The following CEP72 variants were observed in gnomAD, a reference collection of about 807,000 sequenced individuals.
CEP72 encodes centrosomal protein 72, also known as centrosomal protein of 72 kDa.
Under a neutral mutation model 65.7 loss-of-function variants are expected in CEP72, and 78 were observed. The ratio of observed to expected loss-of-function variants is 1.19; its 90% confidence interval spans 0.99 to 1.43. The LOEUF is 1.43. CEP72 is among the 40% of genes most tolerant of loss of function. CEP72 has a pLI of 0.00. For missense variants in CEP72, 914 were observed against 832.9 expected (o/e 1.10, Z -1.20); for synonymous variants, 358 against 351.7 (o/e 1.02, Z -0.20).
At chr5:626,829 A>G (rs562247402) in intron 4 of CEP72, among the ~76,000 whole-genome samples, 2 of 152,284 alleles carry the variant, frequency 1.3e-5, no homozygotes, top group Admixed American at 6.5e-5. Flanking sequence ...TGTAAGAGAA[A>G]TAGAAGTAAG....
intron 9 of CEP72, among the ~76,000 whole-genome samples, chr5:643,871 G>T (rs1278028386): frequency 6.6e-6 from 1 of 152,234 alleles, no homozygotes; most frequent in African/African-American, 2.4e-5. Context: ...CAGAACAGAA[G>T]GGGGTTCCTG....
In CEP72 at chr5:612,340, G is replaced by A. The variant is rs1435366472; in HGVS notation, c.-22G>A. 5 of 1,483,246 alleles carry A rather than the reference G, an allele frequency of 3.4e-6. No individual in the cohort carries two copies. Among genetic ancestry groups the A allele is most frequent in the South Asian group, 2.5e-5 (2 of 79,054 alleles). 91.9% of individuals were successfully genotyped at this position (1,483,246 alleles called of 1,614,324 possible). A position where few individuals can be genotyped will look rare whatever the true frequency, so the allele number is the denominator to read the frequency against. The stretch of plus-strand genomic sequence containing the variant: ...TCGCCCCGCCCGCCGCGCAGGCGCC[G>A]TCCGAGGGCTCCGTTTGAAACATGG... On this transcript the variant is annotated 5_prime_UTR_variant, in exon 1 of 12. Transcript: ENST00000264935.
intron 11 of CEP72, among the ~76,000 whole-genome samples, chr5:648,854 G>T (rs1738658336): frequency 4.7e-5 from 2 of 43,004 alleles, no homozygotes; most frequent in Admixed American, 2.5e-4. Flanking sequence ...TGGACTGTGA[G>T]GTGTGACTGT....
chr5:622,780 C>T (rs1449418252), intron 3 of CEP72, among the ~76,000 whole-genome samples: 1 of 152,006 alleles, frequency 6.6e-6, no homozygotes, highest in Non-Finnish European at 1.5e-5. Context: ...GTGTCTGTTT[C>T]CAAACCCAAT....
chr5:643,002 C>T lies in CEP72; in HGVS notation c.1540-1297C>T, dbSNP rs1432748752. The T allele has an allele frequency of 3.0e-6, 3 of 985,368 alleles. No individual in the cohort carries two copies. In the African/African-American group the frequency reaches 5.2e-5, roughly 17 times the overall value. 61.0% of individuals were successfully genotyped at this position (985,368 alleles called of 1,614,324 possible). On this transcript the variant is annotated intron_variant, in intron 9 of 11. Transcript: ENST00000264935. ...GCCTCTGAGGCAGATGGGCTGCGCCCAGCTTGGGTGCAGTCGGTCCTCTGT... is the reference window on the plus strand; with the variant it reads ...GCCTCTGAGGCAGATGGGCTGCGCCTAGCTTGGGTGCAGTCGGTCCTCTGT...
intron 4 of CEP72, among the ~76,000 whole-genome samples, chr5:633,182 T>G (rs1346431143): frequency 1.4e-4 from 13 of 91,258 alleles, no homozygotes; most frequent in Non-Finnish European, 1.6e-4. Context: ...CTGGTGGGGT[T>G]CTGTCCAGTG....
chr5:633,914 A>T lies in CEP72; in HGVS notation c.658A>T (p.Lys220Ter). The T allele has an allele frequency of 6.2e-7, 1 of 1,612,906 alleles. No individual in the cohort carries two copies. Among genetic ancestry groups the T allele is most frequent in the South Asian group, 1.1e-5 (1 of 91,088 alleles). ...TCCCGGGAGCACGAGCTTCAGCCAG[A>T]AGGGGCGTGAGGCCGACTCTCGTGG... ...RPPGSTSFSQ[K>*]GREADSRGSQ... Residue 220 changes from lysine to a stop codon, truncating the protein, a stop_gained, in exon 5 of 12, where the codon AAG becomes TAG. Transcript: ENST00000264935. LOFTEE classifies it high-confidence loss of function.
chr5:625,232 G>A (rs1241288483), intron 4 of CEP72, among the ~76,000 whole-genome samples: 1 of 152,246 alleles, frequency 6.6e-6, no homozygotes, highest in Non-Finnish European at 1.5e-5. Context: ...GTTGATTCAA[G>A]GGGCAGAAAT....
chr5:639,157 G>A lies in CEP72; in HGVS notation c.1275G>A (p.Thr425=), dbSNP rs371188823. 1.1e-5 allele frequency: 18 copies of A among 1,612,326 alleles called. No homozygotes were observed. Among genetic ancestry groups the A allele is most frequent in the African/African-American group, 6.7e-5 (5 of 74,922 alleles). Residue 425 remains threonine, a synonymous_variant, in exon 8 of 12, where the codon ACG becomes ACA. Coordinates refer to ENST00000264935, the MANE Select transcript of CEP72 (RefSeq NM_018140.4). ...CCCTGCAGGCGGCGCTCCTGGAGAC[G>A]CTCTTGGACCTGGTGGACAGGAGCT... ...KTALQAALLE[T]LLDLVDRSWG... is the part of the protein sequence containing the mutation.
the CEP72 span, among the ~76,000 whole-genome samples, chr5:675,462 ACAG>A: frequency 0.28 from 9,852 of 35,152 alleles, 779 homozygotes; most frequent in Middle Eastern, 0.44. Context: ...GGGGTGCAGC[ACAG>A]GGGGTGCAGT....
intron 11 of CEP72, among the ~76,000 whole-genome samples, chr5:649,090 T>C (rs1270670339): frequency 1.1e-4 from 14 of 127,572 alleles, no homozygotes; most frequent in East Asian, 2.8e-4. Context: ...GACTGTGAGG[T>C]GTGACTGTGA....
intron 9 of CEP72, chr5:642,630 C>T (rs1041612061): frequency 2.0e-6 from 2 of 985,330 alleles, no homozygotes; most frequent in South Asian, 4.7e-5. Context: ...TTGCCCTCTG[C>T]AGTTTGCCTA....
At chr5:627,029 T>C (rs914700579) in intron 4 of CEP72, among the ~76,000 whole-genome samples, 1 of 152,262 alleles carries the variant, frequency 6.6e-6, no homozygotes, top group African/African-American at 2.4e-5. Flanking sequence ...GCTGACCGCA[T>C]AGAATGAGTT....
At chr5:618,398 A>G (rs1248310732) in intron 1 of CEP72, among the ~76,000 whole-genome samples, 3 of 131,690 alleles carry the variant, frequency 2.3e-5, no homozygotes, top group Non-Finnish European at 5.0e-5. Context: ...AAATAAAGGG[A>G]TTTATTCCAC....
chr5:668,157 A>G (rs142173567), downstream of CEP72, among the ~76,000 whole-genome samples: 21 of 77,396 alleles, frequency 2.7e-4, 1 homozygote, highest in African/African-American at 3.3e-4. Flanking sequence ...TCAGGGAAGT[A>G]CCGACAAGCA....
At chr5:646,145 G>T (rs1305389511) in intron 10 of CEP72, among the ~76,000 whole-genome samples, 1 of 152,196 alleles carries the variant, frequency 6.6e-6, no homozygotes, top group Non-Finnish European at 1.5e-5. Flanking sequence ...GCTTTGCTTC[G>T]TGGCTGTTTC....
At chr5:640,110 G>A (rs975080703) in intron 8 of CEP72, among the ~76,000 whole-genome samples, 7 of 152,214 alleles carry the variant, frequency 4.6e-5, no homozygotes, top group Non-Finnish European at 1.0e-4. Flanking sequence ...CAGGGCAGTC[G>A]GTGCTTGTGG....
chr5:621,683 T>C (rs1024948001), intron 3 of CEP72, among the ~76,000 whole-genome samples: 4 of 152,240 alleles, frequency 2.6e-5, no homozygotes, highest in African/African-American at 9.6e-5. Flanking sequence ...CGTGGAGCCA[T>C]GCGGGGCCGT....
At chr5:641,124 G>A in intron 9 of CEP72, 1 of 985,120 alleles carries the variant, frequency 1.0e-6, no homozygotes, top group Non-Finnish European at 1.2e-6. Flanking sequence ...TCTCAGCCGT[G>A]GGCCGGGGCC....
Sources: gnomAD v4.1 joint callset for allele counts (sites outside exome capture counted in the v4.1 genomes callset) on GRCh38, gnomAD v4.1.1 for gene constraint, MANE v1.5 for transcripts, NCBI Gene and HGNC (gene_info 2026-07-23, HGNC 2026-07-21) for gene names.